The following SGCD variants were observed in gnomAD, a reference collection of about 807,000 sequenced individuals.
The protein encoded by SGCD is sarcoglycan delta, also known as delta-sarcoglycan.
A neutral mutation model predicts 36.6 loss-of-function variants in SGCD; 18 were observed. The ratio of observed to expected loss-of-function variants is 0.49; its 90% confidence interval spans 0.34 to 0.73. The LOEUF is 0.73. SGCD is among the 30% of genes least tolerant of loss of function. The pLI, the probability that SGCD is intolerant of heterozygous loss-of-function variation, is 0.01. For missense variants in SGCD, 387 were observed against 346.7 expected, an observed-to-expected ratio of 1.12 and a Z score of -0.92; for synonymous variants, 133 against 130.6, an observed-to-expected ratio of 1.02 and a Z score of -0.12.
chr5:156,225,827 A>T (rs184817527), intron 3 of SGCD, among the ~76,000 whole-genome samples: 7 of 152,006 alleles, frequency 4.6e-5, no homozygotes, highest in African/African-American at 1.7e-4. Flanking sequence ...TAAAAAAAAA[A>T]CCTTAAAGGT....
chr5:156,647,403 T>C, intron 6 of SGCD, 61 bp from the exon 7 acceptor site: 3 of 1,122,708 alleles, frequency 2.7e-6, no homozygotes, highest in South Asian at 1.4e-5. Flanking sequence ...AGTGTGCTGA[T>C]TGTGCCTACA....
At chr5:156,455,594 C>T (rs1385477097) in intron 3 of SGCD, among the ~76,000 whole-genome samples, 1 of 152,130 alleles carries the variant, frequency 6.6e-6, no homozygotes, top group African/African-American at 2.4e-5. Context: ...TCTCAAGCCT[C>T]TGCTGACCAC....
the SGCD span, among the ~76,000 whole-genome samples, chr5:155,762,708 T>C: frequency 3.3e-5 from 5 of 152,308 alleles, no homozygotes; most frequent in East Asian, 9.6e-4. Context: ...AATCTAGAAC[T>C]CACAATATTT....
chr5:155,820,915 A>G, the SGCD span, among the ~76,000 whole-genome samples: 1 of 152,128 alleles, frequency 6.6e-6, no homozygotes, highest in Admixed American at 6.6e-5. Context: ...AAGTCTCTGT[A>G]CTTCATAGAC....
intron 1 of SGCD, among the ~76,000 whole-genome samples, chr5:156,100,376 C>T (rs1441592936): frequency 6.6e-6 from 1 of 151,592 alleles, no homozygotes; most frequent in Non-Finnish European, 1.5e-5. Context: ...TGGGAATGTC[C>T]AAAACTTTAA....
chr5:155,838,253 C>T, the SGCD span, among the ~76,000 whole-genome samples: 3 of 151,988 alleles, frequency 2.0e-5, no homozygotes, highest in South Asian at 2.1e-4. Flanking sequence ...GGTTAAATTC[C>T]ACCAATTGTC....
rs141552319 is a variant in SGCD at position 156,554,602 on chromosome 5, C to G, written c.295-34629C>G. Among the ~76,000 whole-genome samples the G allele has an allele frequency of 7.7e-3, 1,136 of 148,312 alleles. 16 individuals carry two copies. The highest frequency in any genetic ancestry group is 0.027 in the African/African-American group (1,091 of 40,616). On this transcript the variant is annotated intron_variant, in intron 4 of 8. Transcript: ENST00000337851. ...GTATGCATATGTGTATATATATATG[C>G]ATATAACATATATGTATATAAACAT...
chr5:156,283,198 G>A (rs1243087738), intron 3 of SGCD, among the ~76,000 whole-genome samples: 1 of 152,122 alleles, frequency 6.6e-6, no homozygotes, highest in Non-Finnish European at 1.5e-5. Context: ...CTCCATGACT[G>A]TGTAGTCTAT....
intron 1 of SGCD, among the ~76,000 whole-genome samples, chr5:156,056,564 C>A (rs1475811776): frequency 3.6e-5 from 5 of 139,678 alleles, no homozygotes; most frequent in African/African-American, 1.3e-4. Context: ...AAGAAGAACA[C>A]ACTTTGATCT....
chr5:156,339,277 A>G (rs1014441943), intron 2 of SGCD, among the ~76,000 whole-genome samples: 44 of 152,328 alleles, frequency 2.9e-4, no homozygotes, highest in African/African-American at 1.0e-3. Flanking sequence ...CAAGAAACAG[A>G]TGATCCTTAA....
At chr5:156,021,383 G>A (rs1161579649) in intron 1 of SGCD, among the ~76,000 whole-genome samples, 6 of 152,198 alleles carry the variant, frequency 3.9e-5, no homozygotes, top group African/African-American at 1.4e-4. Context: ...AGCCAAGCAT[G>A]GTGGTGTGAA....
intron 7 of SGCD, among the ~76,000 whole-genome samples, chr5:156,747,566 C>G (rs990564697): frequency 6.6e-5 from 10 of 152,114 alleles, no homozygotes; most frequent in African/African-American, 2.4e-4. Context: ...CATGGCCTCC[C>G]CTCCCTCAGT....
chr5:156,152,628 A>T (rs183111462), intron 3 of SGCD, among the ~76,000 whole-genome samples: 1 of 151,684 alleles, frequency 6.6e-6, no homozygotes, highest in African/African-American at 2.4e-5. Flanking sequence ...TACATTTTCA[A>T]TGTTGACTAC....
intron 1 of SGCD, among the ~76,000 whole-genome samples, chr5:155,972,107 C>T (rs2127559967): frequency 6.6e-6 from 1 of 152,134 alleles, no homozygotes; most frequent in Admixed American, 6.5e-5. Context: ...ATGCCAAAAG[C>T]CTTTTAAAGA....
chr5:155,792,117 ATC>A, the SGCD span, among the ~76,000 whole-genome samples: 1 of 152,136 alleles, frequency 6.6e-6, no homozygotes, highest in South Asian at 2.1e-4. Context: ...ATCTACAACT[ATC>A]TGTTATTCAA....
At chr5:156,365,569 C>G (rs17555767) in intron 3 of SGCD, among the ~76,000 whole-genome samples, 1 of 151,922 alleles carries the variant, frequency 6.6e-6, no homozygotes, top group Non-Finnish European at 1.5e-5. Context: ...TTGAGTTCAT[C>G]TGCACTACAG....
At chr5:156,382,632 TATAATA>T (rs775938803) in intron 3 of SGCD, among the ~76,000 whole-genome samples, 1 of 152,294 alleles carries the variant, frequency 6.6e-6, no homozygotes, top group South Asian at 2.1e-4. Flanking sequence ...TGTGACATGT[TATAATA>T]ATAATAGTAG....
chr5:155,884,176 C>T (rs768689673), intron 1 of SGCD, among the ~76,000 whole-genome samples: 4 of 152,110 alleles, frequency 2.6e-5, no homozygotes, highest in Non-Finnish European at 2.9e-5. Context: ...AATCCTTTAC[C>T]GAGGTGATTC....
chr5:156,306,116 A>G lies in SGCD; in HGVS notation c.-43-23418A>G, dbSNP rs149552053. The stretch of plus-strand genomic sequence containing the variant: ...GACTTTAAGGGACTGTTGGGAAGGC[A>G]TGATTCATTTTGAAATGTGAGAACA... On this transcript the variant is annotated intron_variant, in intron 3 of 9. Transcript: ENST00000517913. Among the ~76,000 whole-genome samples the G allele has an allele frequency of 6.3e-3, 962 of 152,336 alleles. 10 individuals carry two copies. Among genetic ancestry groups the G allele is most frequent in the African/African-American group, 0.018 (761 of 41,588 alleles).
Sources: allele counts gnomAD v4.1 joint callset (sites outside exome capture counted in the v4.1 genomes callset), GRCh38; gene constraint gnomAD v4.1.1; transcripts MANE v1.5; gene names NCBI Gene and HGNC (gene_info 2026-07-23, HGNC 2026-07-21).